The following CNTN5 variants were observed in gnomAD, a reference collection of about 807,000 sequenced individuals.
CNTN5 encodes the protein contactin 5, also known as contactin-5.
In CNTN5, 77 loss-of-function variants were observed where a neutral mutation model predicts 129.1. The ratio of observed to expected loss-of-function variants is 0.60; its 90% CI spans 0.50 to 0.72. The LOEUF (loss-of-function observed/expected upper bound fraction) is 0.72. Among genes scored for constraint, CNTN5 ranks in the 30% least tolerant of loss-of-function variants. The pLI is 0.00. For missense variants in CNTN5, 1,478 were observed against 1,328.8 expected (o/e 1.11, Z -1.75); for synonymous variants, 509 against 465.6 (o/e 1.09, Z -1.20).
At chr11:100,031,990 T>C (rs1254763360) in intron 9 of CNTN5, among the ~76,000 whole-genome samples, 5 of 152,166 alleles carry the variant, frequency 3.3e-5, no homozygotes, top group African/African-American at 1.2e-4. Flanking sequence ...CTATTATTTC[T>C]CAACCTGCCG....
chr11:100,037,639 T>C (rs1174338489), intron 9 of CNTN5, among the ~76,000 whole-genome samples: 2 of 152,218 alleles, frequency 1.3e-5, no homozygotes, highest in Non-Finnish European at 2.9e-5. Context: ...ATTGCCACAA[T>C]TTCAGCTCCT....
At chr11:99,331,054 T>C (rs573639349) in intron 2 of CNTN5, among the ~76,000 whole-genome samples, 4 of 151,994 alleles carry the variant, frequency 2.6e-5, no homozygotes, top group Admixed American at 2.6e-4. Context: ...ATTGTGTTTG[T>C]AGACAGGAAG....
chr11:99,834,380 G>A (rs1360661802), intron 4 of CNTN5, among the ~76,000 whole-genome samples: 1 of 151,996 alleles, frequency 6.6e-6, no homozygotes, highest in Admixed American at 6.6e-5. Context: ...ATTGTTTTAG[G>A]CTGGGCACAG....
chr11:99,775,868 A>T (rs1471021064), intron 3 of CNTN5, among the ~76,000 whole-genome samples: 3 of 152,050 alleles, frequency 2.0e-5, no homozygotes, highest in African/African-American at 7.2e-5. Flanking sequence ...AGGAAAAGAA[A>T]AACTCCTTAA....
intron 9 of CNTN5, among the ~76,000 whole-genome samples, chr11:100,012,462 G>A (rs1940589261): frequency 6.6e-6 from 1 of 152,060 alleles, no homozygotes; most frequent in Non-Finnish European, 1.5e-5. Flanking sequence ...TTACTTATAG[G>A]CTTTTACACT....
intron 1 of CNTN5, among the ~76,000 whole-genome samples, chr11:99,315,131 G>C (rs144444699): frequency 6.7e-6 from 1 of 149,222 alleles, no homozygotes; most frequent in Non-Finnish European, 1.5e-5. Context: ...ATACCCTCTA[G>C]TAGTCATGGA....
intron 3 of CNTN5, among the ~76,000 whole-genome samples, chr11:99,581,714 G>T (rs1189089282): frequency 2.0e-5 from 3 of 152,004 alleles, no homozygotes; most frequent in Non-Finnish European, 4.4e-5. Context: ...TTTATTTTGA[G>T]ACTATGTGTG....
intron 1 of CNTN5, among the ~76,000 whole-genome samples, chr11:99,325,022 T>C (rs1865725223): frequency 6.6e-6 from 1 of 152,136 alleles, no homozygotes; most frequent in African/African-American, 2.4e-5. Flanking sequence ...TATTGTCTTA[T>C]AAATATTAAG....
intron 1 of CNTN5, among the ~76,000 whole-genome samples, chr11:99,101,742 G>C (rs1409809450): frequency 1.3e-5 from 2 of 152,176 alleles, no homozygotes; most frequent in African/African-American, 4.8e-5. Context: ...GATAGAGCCT[G>C]CCTCCCAACC....
At chr11:99,251,657 C>G (rs1862111580) in intron 1 of CNTN5, among the ~76,000 whole-genome samples, 2 of 151,862 alleles carry the variant, frequency 1.3e-5, no homozygotes, top group South Asian at 4.1e-4. Flanking sequence ...AATTGTCAAG[C>G]AGAGAGAATC....
chr11:100,017,894 T>C (rs1940917441), intron 9 of CNTN5, among the ~76,000 whole-genome samples: 1 of 152,120 alleles, frequency 6.6e-6, no homozygotes, highest in African/African-American at 2.4e-5. Flanking sequence ...TTATTGACTA[T>C]GTGTTACAAA....
At chr11:99,685,583 G>A (rs1953755227) in intron 3 of CNTN5, among the ~76,000 whole-genome samples, 1 of 150,652 alleles carries the variant, frequency 6.6e-6, no homozygotes, top group Non-Finnish European at 1.5e-5. Context: ...TTTAACAGTT[G>A]TCTAATAAAA....
At chr11:99,579,027 C>T (rs1293910710) in intron 3 of CNTN5, among the ~76,000 whole-genome samples, 3 of 151,916 alleles carry the variant, frequency 2.0e-5, no homozygotes, top group Non-Finnish European at 4.4e-5. Context: ...AGGAAGGGAT[C>T]CAGTTTCAGC....
intron 17 of CNTN5, 70 bp downstream of exon 17, chr11:100,255,988 A>C (rs547342156): frequency 2.2e-6 from 3 of 1,337,690 alleles, no homozygotes; most frequent in South Asian, 1.4e-5. Context: ...TATTTGGCTA[A>C]GGTCTTACTA....
chr11:99,273,783 CT>C (rs138103026), intron 1 of CNTN5, among the ~76,000 whole-genome samples: 6,697 of 151,166 alleles, frequency 0.044, 479 homozygotes, highest in African/African-American at 0.15. Flanking sequence ...CCATAAAAAT[CT>C]GATTATACTT....
intron 21 of CNTN5, among the ~76,000 whole-genome samples, chr11:100,319,065 A>C (rs1951627601): frequency 6.6e-6 from 1 of 152,050 alleles, no homozygotes; most frequent in Admixed American, 6.5e-5. Context: ...ACTAAACCCC[A>C]GAGACCCAGT....
chr11:100,002,451 TG>T (rs1426727633), intron 9 of CNTN5, among the ~76,000 whole-genome samples: 1 of 152,144 alleles, frequency 6.6e-6, no homozygotes, highest in Non-Finnish European at 1.5e-5. Flanking sequence ...TCAGTCCTTA[TG>T]TAAATAAAGA....
intron 1 of CNTN5, among the ~76,000 whole-genome samples, chr11:99,239,977 C>T (rs980015564): frequency 6.6e-6 from 1 of 151,654 alleles, no homozygotes; most frequent in African/African-American, 2.4e-5. Flanking sequence ...GAGTAGTCCT[C>T]TTTTAATATT....
chr11:99,803,819 C>G (rs913232980), intron 3 of CNTN5, among the ~76,000 whole-genome samples: 1 of 152,190 alleles, frequency 6.6e-6, no homozygotes, highest in East Asian at 1.9e-4. Context: ...ACAGTGCTCT[C>G]TTCCCTGAGA....
Sources: gnomAD v4.1 joint callset for allele counts (sites outside exome capture counted in the v4.1 genomes callset) on GRCh38, gnomAD v4.1.1 for gene constraint, MANE v1.5 for transcripts, NCBI Gene and HGNC (gene_info 2026-07-23, HGNC 2026-07-21) for gene names.